Variants in ZNF772 observed in about 807,000 individuals in gnomAD.
ZNF772 encodes zinc finger protein 772.
Under a neutral mutation model 11.0 loss-of-function variants are expected in ZNF772, and 8 were observed. The observed-to-expected ratio is 0.73, with a 90% confidence interval of 0.43 to 1.31. ZNF772 has a LOEUF of 1.31. ZNF772 is among the 50% of genes most tolerant of loss of function. The probability of loss-of-function intolerance (pLI) is 0.01; values close to 1 mark genes in which losing one functional copy is unlikely to be tolerated. For missense variants in ZNF772, 496 were observed against 552.3 expected (o/e 0.90, Z 1.02); for synonymous variants, 155 against 180.4 (o/e 0.86, Z 1.13).
At chr19:57,477,241 G>A in intron 1 of ZNF772, 36 bp downstream of exon 1, 1 of 1,612,918 alleles carries the variant, frequency 6.2e-7, no homozygotes, top group South Asian at 1.1e-5. Flanking sequence ...TTCAGAGATG[G>A]GGGTCAGCGC....
At chr19:57,476,944 C>T (rs2089291686) in intron 1 of ZNF772, among the ~76,000 whole-genome samples, 1 of 152,222 alleles carries the variant, frequency 6.6e-6, no homozygotes, top group South Asian at 2.1e-4. Flanking sequence ...TCAGAACCTT[C>T]CATGGCTCCC....
rs1392012081 is a variant in ZNF772 at position 57,475,586 on chromosome 19, G to A, written c.199+74C>T. 6.2e-7 allele frequency: 1 copy of A among 1,606,210 alleles called. No homozygotes were observed. The highest frequency in any genetic ancestry group is 8.5e-7 in the Non-Finnish European group (1 of 1,173,918). On this transcript the variant is annotated intron_variant, in intron 3 of 3. Transcript: ENST00000356584. The surrounding 1 kb of genome is among the most constrained non-coding windows in gnomAD (Gnocchi z 4.2). ...GTGTCCACGGCTCTGATGTAGGAAG[G>A]ACAAAGATGCCCTGAAAAAAAGGGG...
rs1433742671 is a variant in ZNF772, at chr19:57,470,831, G to C, written c.*2443C>G. The C allele has an allele frequency of 2.0e-5, 3 of 152,148 alleles. No individual in the cohort carries two copies. Among genetic ancestry groups the C allele is most frequent in the Non-Finnish European group, 4.4e-5 (3 of 68,026 alleles). The allele number at this position is 152,148 out of a possible 1,614,324, so 9.4% of individuals were successfully genotyped here. A position where few individuals can be genotyped will look rare whatever the true frequency, so the allele number is the denominator to read the frequency against. ...ACAAACCATCAAAGCTCACTCTAGA[G>C]ATAGATGGATGGATGGAGTGACAAA... On this transcript the variant is annotated 3_prime_UTR_variant, in exon 4 of 4. Coordinates refer to ENST00000356584, the MANE Select transcript of ZNF772 (RefSeq NM_001144068.2).
In ZNF772 at chr19:57,470,531, A is replaced by C. The variant is rs899239232; in HGVS notation, c.*2743T>G. The C allele has an allele frequency of 8.5e-5, 13 of 152,198 alleles. No individual in the cohort carries two copies. The allele number at this position is 152,198 out of a possible 1,614,324, so 9.4% of individuals were successfully genotyped here. ...AAAAGTAGCAAAAGAAATGAAATCC[A>C]ATAAAAGCGGAAGGCATTAGTAAAA... On this transcript the variant is annotated 3_prime_UTR_variant, in exon 4 of 4. Transcript: ENST00000356584.
intron 2 of ZNF772, chr19:57,476,270 A>C: frequency 3.0e-6 from 1 of 333,698 alleles, no homozygotes; most frequent in Non-Finnish European, 5.6e-6. Context: ...CTCCCAATCT[A>C]CATAATCATC....
chr19:57,477,172 C>T, intron 1 of ZNF772, 105 bp downstream of exon 1: 1 of 1,513,810 alleles, frequency 6.6e-7, no homozygotes, highest in South Asian at 1.2e-5. Context: ...CCCCACTGTT[C>T]TAGATACAGG....
rs2089269816 is a variant in ZNF772, at chr19:57,475,290, C to G, written c.199+370G>C. The G allele has an allele frequency of 9.4e-7, 1 of 1,060,898 alleles. No homozygotes were observed. Among genetic ancestry groups the G allele is most frequent in the African/African-American group, 1.6e-5 (1 of 62,372 alleles). The allele number at this position is 1,060,898 out of a possible 1,614,324, so 65.7% of individuals were successfully genotyped here. A position where few individuals can be genotyped will look rare whatever the true frequency, so the allele number is the denominator to read the frequency against. On this transcript the variant is annotated intron_variant, in intron 3 of 3. Transcript: ENST00000356584. The surrounding 1 kb of genome is among the most constrained non-coding windows in gnomAD (Gnocchi z 4.2). Reference sequence around the variant, plus strand: ...CCATAATGGTCCCTACAATTCCTGACATAGGCAGGCCACAGGAAATGTCAG... The same window carrying G: ...CCATAATGGTCCCTACAATTCCTGAGATAGGCAGGCCACAGGAAATGTCAG...
rs774299949 is a variant in ZNF772, at chr19:57,473,477, C to T, written c.1144G>A (p.Ala382Thr). ...KFFSQSSDLI[A>T]HQRVHNGEKP... The stretch of plus-strand genomic sequence containing the variant: ...TCACCATTATGAACTCTTTGATGTG[C>T]AATAAGGTCAGAGCTTTGGCTAAAG... Residue 382 changes from alanine (A) to threonine (T), a missense_variant, in exon 4 of 4, where the codon GCA (alanine) becomes ACA (threonine). Transcript: ENST00000356584. 6.2e-7 allele frequency: 1 copy of T among 1,614,144 alleles called. No homozygotes were observed. The highest frequency in any genetic ancestry group is 8.5e-7 in the Non-Finnish European group (1 of 1,180,024).
At position 57,475,733 on chromosome 19, in the gene ZNF772, C is replaced by T; in HGVS notation, c.126G>A (p.Val42=). ...GGAGCCTCTGAGCCTCATCAAGGAG[C>T]ACCCACTCCTCCTGGGAGAAGTACA... ...VFVYFSQEEW[V]LLDEAQRLLY... Residue 42 remains valine, a synonymous_variant, in exon 3 of 4, where the codon GTG becomes GTA. Transcript: ENST00000356584. The surrounding 1 kb of genome is among the most constrained non-coding windows in gnomAD (Gnocchi z 4.2). 2 of 1,613,648 alleles carry T rather than the reference C, an allele frequency of 1.2e-6. No homozygotes were observed. The highest frequency in any genetic ancestry group is 1.7e-6 in the Non-Finnish European group (2 of 1,179,680).
chr19:57,476,608 T>C, intron 2 of ZNF772, 26 bp downstream of exon 2: 1 of 1,613,300 alleles, frequency 6.2e-7, no homozygotes, highest in South Asian at 1.1e-5. Flanking sequence ...GTGGGATCGG[T>C]GAGAGCATGG....
In ZNF772 at chr19:57,469,631, A is replaced by G. The variant is rs1271913098; in HGVS notation, c.*3643T>C. The G allele has an allele frequency of 6.6e-6, 1 of 152,220 alleles. No individual in the cohort carries two copies. Among genetic ancestry groups the G allele is most frequent in the African/African-American group, 2.4e-5 (1 of 41,464 alleles). The allele number at this position is 152,220 out of a possible 1,614,324, so 9.4% of individuals were successfully genotyped here. Reference sequence around the variant, plus strand: ...TTTATTATTCACCTAATAAAAACATACTAAAATATGTGAAGCAAAATCTGA... The same window carrying G: ...TTTATTATTCACCTAATAAAAACATGCTAAAATATGTGAAGCAAAATCTGA... On this transcript the variant is annotated 3_prime_UTR_variant, in exon 4 of 4. Transcript: ENST00000356584.
At position 57,473,768 on chromosome 19, in the gene ZNF772, T is replaced by C. The variant is rs747029352; in HGVS notation, c.853A>G (p.Ile285Val). ...CTATGATTAAAAACTTTCCCACATA[T>C]GCCACACTCATAAGGCATTTCTCCA... The part of the protein sequence containing the change: ...HTGEMPYECG[I>V]CGKVFNHSSN... Residue 285 changes from isoleucine (I) to valine (V), a missense_variant, in exon 4 of 4, where the codon ATA becomes GTA. By Grantham distance (29) the Ile-to-Val change is conservative. Coordinates refer to ENST00000356584, the MANE Select transcript of ZNF772 (RefSeq NM_001144068.2). 22 of 1,613,920 alleles carry C rather than the reference T, an allele frequency of 1.4e-5. No homozygotes were observed. Among genetic ancestry groups the C allele is most frequent in the African/African-American group, 1.3e-5 (1 of 74,846 alleles).
rs780098956 is a variant in ZNF772 at position 57,474,066 on chromosome 19, C to G, written c.555G>C (p.Glu185Asp). ...AGCTGGCTAGGAAGTCCTTACAAGC[C>G]TCCCCTGTCACAAAAGACATCTCCA... is the stretch of plus-strand genomic sequence containing the variant. ...QSMEMSFVTG[E>D]ACKDFLASSS... The change falls in exon 4 of 4, where the codon GAG becomes GAC. Residue 185 changes from glutamate (E) to aspartate (D), a missense_variant. Glu to Asp is a conservative substitution (Grantham distance 45). Coordinates refer to ENST00000356584, the MANE Select transcript of ZNF772 (RefSeq NM_001144068.2). 2.5e-6 allele frequency: 4 copies of G among 1,614,146 alleles called. No individual in the cohort carries two copies. The highest frequency in any genetic ancestry group is 3.4e-6 in the Non-Finnish European group (4 of 1,179,992).
Position 57,472,305 on chromosome 19 carries a change from C to T in ZNF772, c.*969G>A. On this transcript the variant is annotated 3_prime_UTR_variant, in exon 4 of 4. Transcript: ENST00000356584. Reference sequence around the variant, plus strand: ...TAGACTTCAGAGATCTTGACATGTCCACTGAGTTCAAATTCTCCTCAAGAA... The same window carrying T: ...TAGACTTCAGAGATCTTGACATGTCTACTGAGTTCAAATTCTCCTCAAGAA... 2 of 381,730 alleles carry T rather than the reference C, an allele frequency of 5.2e-6. No individual in the cohort carries two copies. Among genetic ancestry groups the T allele is most frequent in the South Asian group, 3.9e-5 (2 of 50,976 alleles). 23.6% of individuals were successfully genotyped at this position (381,730 alleles called of 1,614,324 possible). A position where few individuals can be genotyped will look rare whatever the true frequency, so the allele number is the denominator to read the frequency against.
rs759209616 is a variant in ZNF772 at position 57,476,680 on chromosome 19, G to C, written c.34-8C>G. ...TTCTGAGTTCATGGGAACCTGTGGG[G>C]AAGAGGGAGACTATGCGAGTCAAGC... is the stretch of plus-strand genomic sequence containing the variant. On this transcript the variant is annotated splice_polypyrimidine_tract_variant and splice_region_variant and intron_variant, in intron 1 of 3. Coordinates refer to ENST00000356584, the MANE Select transcript of ZNF772 (RefSeq NM_001144068.2). The C allele has an allele frequency of 6.3e-7, 1 of 1,590,492 alleles. No homozygotes were observed. The highest frequency in any genetic ancestry group is 2.3e-5 in the East Asian group (1 of 44,428).
chr19:57,476,909 C>T (rs2123160752), intron 1 of ZNF772, among the ~76,000 whole-genome samples: 1 of 152,338 alleles, frequency 6.6e-6, no homozygotes, highest in African/African-American at 2.4e-5. Context: ...ACTTTTTAAA[C>T]CCTCGGATTC....
chr19:57,477,479 A>T lies in ZNF772; in HGVS notation c.-170T>A. On this transcript the variant is annotated 5_prime_UTR_variant, in exon 1 of 4. Transcript: ENST00000356584. ...CACGTTTTCCCTTTTCTGTCACCTC[A>T]GGTCTGACATTGCGTTCTGGAAACT... is the stretch of plus-strand genomic sequence containing the variant. The T allele has an allele frequency of 1.6e-6, 1 of 628,012 alleles. No homozygotes were observed. Among genetic ancestry groups the T allele is most frequent in the Non-Finnish European group, 2.7e-6 (1 of 366,212 alleles). The allele number at this position is 628,012 out of a possible 1,614,324, so 38.9% of individuals were successfully genotyped here.
In ZNF772 at chr19:57,475,245, G is replaced by A; in HGVS notation, c.199+415C>T. The A allele has an allele frequency of 6.9e-7, 1 of 1,455,824 alleles. No homozygotes were observed. Among genetic ancestry groups the A allele is most frequent in the African/African-American group, 1.4e-5 (1 of 70,724 alleles). The allele number at this position is 1,455,824 out of a possible 1,614,324, so 90.2% of individuals were successfully genotyped here. A position where few individuals can be genotyped will look rare whatever the true frequency, so the allele number is the denominator to read the frequency against. On this transcript the variant is annotated intron_variant, in intron 3 of 3. Transcript: ENST00000356584. This position sits in a 1 kb window ranked among gnomAD's most constrained non-coding sequence, Gnocchi z 4.2. ...AGTAAGGTCTTGCAGGAATAGTGCA[G>A]TGGTCCTAGCAAGTAGCGACCATAA... is the stretch of plus-strand genomic sequence containing the variant.
In ZNF772 at chr19:57,475,141, T is replaced by C. The variant is rs1237108925; in HGVS notation, c.199+519A>G. The C allele has an allele frequency of 6.2e-7, 1 of 1,614,062 alleles. No homozygotes were observed. The highest frequency in any genetic ancestry group is 1.3e-5 in the African/African-American group (1 of 74,922). ...GCAACTATGTGGGACATGAAAGATG[T>C]ATGTCCTAAGGGAAAGATAGAACAG... On this transcript the variant is annotated intron_variant, in intron 3 of 3. Coordinates refer to ENST00000356584, the MANE Select transcript of ZNF772 (RefSeq NM_001144068.2). The surrounding 1 kb of genome is among the most constrained non-coding windows in gnomAD (Gnocchi z 4.2).
Sources: allele counts gnomAD v4.1 joint callset (sites outside exome capture counted in the v4.1 genomes callset), GRCh38; gene constraint gnomAD v4.1.1; non-coding constraint Gnocchi (gnomAD v3.1); transcripts MANE v1.5; gene names NCBI Gene and HGNC (gene_info 2026-07-23, HGNC 2026-07-21).